Variants in MYH15 observed in about 807,000 individuals in gnomAD.
MYH15 encodes the protein myosin heavy chain 15, also known as myosin-15.
A neutral mutation model predicts 240.5 loss-of-function variants in MYH15; 227 were observed. The ratio of observed to expected loss-of-function variants is 0.94; its 90% CI spans 0.85 to 1.05. The LOEUF (loss-of-function observed/expected upper bound fraction) is 1.05, where lower values mean the gene tolerates loss of function less well. Ranked by LOEUF, MYH15 falls within the 50% of genes least tolerant of loss-of-function variation. The probability of loss-of-function intolerance (pLI) is 0.00; values close to 1 mark genes in which losing one functional copy is unlikely to be tolerated. For synonymous variants in MYH15, 785 were observed against 796.7 expected (o/e 0.99, Z 0.25); for missense variants, 2,217 against 2,247.5 (o/e 0.99, Z 0.27).
chr3:108,527,139 G>T (rs1003872796), intron 1 of MYH15, among the ~76,000 whole-genome samples: 1 of 152,122 alleles, frequency 6.6e-6, no homozygotes, highest in African/African-American at 2.4e-5. Flanking sequence ...GGCCTGAGAA[G>T]TTGCATTTGA....
At chr3:108,396,225 C>T (rs60883263) in intron 35 of MYH15, among the ~76,000 whole-genome samples, 1,683 of 152,278 alleles carry the variant, frequency 0.011, 25 homozygotes, top group African/African-American at 0.038. Flanking sequence ...GGTGCATTAT[C>T]ATGTATGATA....
chr3:108,458,376 G>A (rs1271142595), intron 18 of MYH15, among the ~76,000 whole-genome samples: 2 of 152,166 alleles, frequency 1.3e-5, no homozygotes, highest in Admixed American at 6.5e-5. Context: ...ACATACAGCC[G>A]TGAATGAACA....
intron 4 of MYH15, 137 bp downstream of exon 4, chr3:108,499,981 G>T: frequency 9.7e-7 from 1 of 1,025,898 alleles, no homozygotes. Context: ...ATTTTATCCA[G>T]AAGGAAACAG....
At position 108,441,249 on chromosome 3, in the gene MYH15, T is replaced by C; in HGVS notation, c.2667A>G (p.Thr889=). ...LILQLQAEQE[T]LANVEEQCEW... ...CGCACTGCTCTTCAACATTTGCCAG[T>C]GTCTCTTGCTCCTGCCATGATGAGG... is the stretch of plus-strand genomic sequence containing the variant. Residue 889 remains threonine, a synonymous_variant, in exon 23 of 41, where the codon ACA becomes ACG. Transcript: ENST00000693548. 1.2e-6 allele frequency: 2 copies of C among 1,614,064 alleles called. No homozygotes were observed. Among genetic ancestry groups the C allele is most frequent in the Middle Eastern group, 3.3e-4 (2 of 6,060 alleles).
intron 14 of MYH15, among the ~76,000 whole-genome samples, chr3:108,469,387 A>G (rs991619286): frequency 1.3e-5 from 2 of 152,210 alleles, no homozygotes; most frequent in Admixed American, 1.3e-4. Flanking sequence ...CCATGGAGAA[A>G]GCCACAGAAA....
At chr3:108,495,977 C>T (rs961153492) in intron 6 of MYH15, 105 bp from the exon 7 acceptor site, 9 of 747,426 alleles carry the variant, frequency 1.2e-5, no homozygotes, top group African/African-American at 7.2e-5. Context: ...GCTTTGATAA[C>T]CAATGGCCAA....
At chr3:108,388,471 A>T (rs760994003) in intron 38 of MYH15, among the ~76,000 whole-genome samples, 10 of 152,152 alleles carry the variant, frequency 6.6e-5, no homozygotes, top group Non-Finnish European at 1.2e-4. Context: ...GTCTCTCTTT[A>T]GTATTTTGTT....
At chr3:108,407,128 G>T (rs766622516) in intron 32 of MYH15, among the ~76,000 whole-genome samples, 2 of 152,202 alleles carry the variant, frequency 1.3e-5, no homozygotes, top group African/African-American at 4.8e-5. Context: ...AAACATTTAT[G>T]TATAACAGGG....
intron 28 of MYH15, among the ~76,000 whole-genome samples, chr3:108,420,652 C>A (rs1014980118): frequency 6.6e-6 from 1 of 152,160 alleles, no homozygotes. Context: ...TCCAATCATA[C>A]AGGCTCAGGT....
At chr3:108,445,402 G>GT (rs1348801642) in intron 21 of MYH15, among the ~76,000 whole-genome samples, 1 of 152,098 alleles carries the variant, frequency 6.6e-6, no homozygotes, top group African/African-American at 2.4e-5. Flanking sequence ...TTTGGTGTGA[G>GT]TGAAGACAAA....
At chr3:108,510,946 C>T (rs1473193324), upstream of MYH15, among the ~76,000 whole-genome samples, 1 of 152,080 alleles carries the variant, frequency 6.6e-6, no homozygotes, top group African/African-American at 2.4e-5. Flanking sequence ...TAGGCCAACA[C>T]AGTTATGAAA....
chr3:108,503,130 G>T (rs2083450736), intron 2 of MYH15, among the ~76,000 whole-genome samples: 1 of 149,892 alleles, frequency 6.7e-6, no homozygotes, highest in Non-Finnish European at 1.5e-5. Flanking sequence ...TGGGGGAATG[G>T]GACCTTCATT....
intron 22 of MYH15, among the ~76,000 whole-genome samples, chr3:108,444,231 G>A (rs2082908639): frequency 6.6e-6 from 1 of 151,924 alleles, no homozygotes; most frequent in Non-Finnish European, 1.5e-5. Context: ...GGGAAGCAGG[G>A]AGACCAAAAT....
intron 14 of MYH15, 22 bp downstream of exon 14, chr3:108,470,020 C>A (rs1560400975): frequency 1.9e-6 from 3 of 1,585,930 alleles, no homozygotes; most frequent in South Asian, 1.2e-5. Flanking sequence ...TGAAAATGGA[C>A]AAAGAGAAAA....
At chr3:108,437,841 C>A in intron 24 of MYH15, 142 bp from the exon 25 acceptor site, 1 of 838,834 alleles carries the variant, frequency 1.2e-6, no homozygotes, top group Non-Finnish European at 1.8e-6. Flanking sequence ...ATAGATATTT[C>A]CAAATAAATA....
rs556442786 is a variant in MYH15, at chr3:108,508,774, C to T, written c.88+1669G>A. Among the ~76,000 whole-genome samples the T allele has an allele frequency of 3.9e-5, 6 of 152,186 alleles. No individual in the cohort carries two copies. The South Asian group carries it at 1.0e-3, about 26-fold the overall frequency. On this transcript the variant is annotated intron_variant, in intron 1 of 40. Transcript: ENST00000693548. ...ATTTTAAATAGATCGCTTACATGTT[C>T]TAATATAAGAATTATTTACATTTGG...
chr3:108,408,122 A>G (rs2082559834), intron 32 of MYH15, among the ~76,000 whole-genome samples, 158 bp downstream of exon 32: 1 of 152,226 alleles, frequency 6.6e-6, no homozygotes, highest in South Asian at 2.1e-4. Flanking sequence ...GTAGTTTCCT[A>G]CGGTGATTAT....
chr3:108,444,564 C>T (rs367744994), intron 22 of MYH15, 76 bp downstream of exon 22: 71 of 1,501,204 alleles, frequency 4.7e-5, no homozygotes, highest in Admixed American at 3.8e-4. Context: ...TTTTTGTTTC[C>T]GTGTCAACAC....
chr3:108,417,293 CAG>C, intron 28 of MYH15, among the ~76,000 whole-genome samples: 1 of 152,214 alleles, frequency 6.6e-6, no homozygotes, highest in Middle Eastern at 3.4e-3. Flanking sequence ...GAGGAGGAAA[CAG>C]AGCAACTTAA....
Sources: allele counts gnomAD v4.1 joint callset (sites outside exome capture counted in the v4.1 genomes callset), GRCh38; gene constraint gnomAD v4.1.1; transcripts MANE v1.5; gene names NCBI Gene and HGNC (gene_info 2026-07-23, HGNC 2026-07-21).